The following SLC17A8 variants were observed in gnomAD, a reference collection of about 807,000 sequenced individuals.
SLC17A8 encodes solute carrier family 17 member 8.
SLC17A8 carries 31 observed loss-of-function variants against 58.0 expected under a neutral mutation model. That is an observed-to-expected ratio of 0.53 (90% CI 0.40 to 0.72). SLC17A8 has a LOEUF of 0.72. SLC17A8 is among the 30% of genes least tolerant of loss of function. The probability of loss-of-function intolerance (pLI) is 0.00; values close to 1 mark genes in which losing one functional copy is unlikely to be tolerated. For synonymous variants in SLC17A8, 228 were observed against 249.0 expected (o/e 0.92, Z 0.79); for missense variants, 655 against 727.8 (o/e 0.90, Z 1.15).
intron 2 of SLC17A8, among the ~76,000 whole-genome samples, chr12:100,382,935 T>C (rs74894421): frequency 0.026 from 3,966 of 152,326 alleles, 77 homozygotes; most frequent in Non-Finnish European, 0.04. Flanking sequence ...AACAGCACCA[T>C]GGAGATCCTC....
chr12:100,412,643 ACATAGAC>A, intron 9 of SLC17A8, 120 bp from the exon 10 acceptor site: 14 of 692,886 alleles, frequency 2.0e-5, no homozygotes, highest in Non-Finnish European at 3.1e-5. Flanking sequence ...TAAAAAAAAA[ACATAGAC>A]ACAAACAAAA....
chr12:100,379,340 C>G (rs1434135332), intron 1 of SLC17A8, among the ~76,000 whole-genome samples: 2 of 148,216 alleles, frequency 1.3e-5, no homozygotes, highest in Non-Finnish European at 2.9e-5. Context: ...GAAGTTGAGG[C>G]AGGAGAATTG....
At chr12:100,378,303 C>T (rs1301582780) in intron 1 of SLC17A8, among the ~76,000 whole-genome samples, 1 of 152,062 alleles carries the variant, frequency 6.6e-6, no homozygotes, top group Non-Finnish European at 1.5e-5. Flanking sequence ...TCAAATGCTG[C>T]TGCTAGGTTG....
At chr12:100,401,940 T>A in intron 6 of SLC17A8, 77 bp downstream of exon 6, 2 of 1,101,826 alleles carry the variant, frequency 1.8e-6, no homozygotes, top group Non-Finnish European at 2.8e-6. Context: ...TGGCTCAGAG[T>A]TCATTACATC....
intron 2 of SLC17A8, among the ~76,000 whole-genome samples, chr12:100,386,628 T>A (rs1952676648): frequency 6.6e-6 from 1 of 152,164 alleles, no homozygotes; most frequent in Non-Finnish European, 1.5e-5. Flanking sequence ...AGTTGTTACA[T>A]CTTGCAGAAT....
At chr12:100,402,184 C>T (rs1162627460) in intron 6 of SLC17A8, among the ~76,000 whole-genome samples, 156 bp from the exon 7 acceptor site, 3 of 152,052 alleles carry the variant, frequency 2.0e-5, no homozygotes, top group East Asian at 3.8e-4. Flanking sequence ...TGGGTGTTCA[C>T]GTGCATGTAT....
Position 100,396,419 on chromosome 12 carries a change from T to G in SLC17A8, c.676+2T>G. 6.2e-7 allele frequency: 1 copy of G among 1,611,940 alleles called. No individual in the cohort carries two copies. Among genetic ancestry groups the G allele is most frequent in the Admixed American group, 1.7e-5 (1 of 59,980 alleles). On this transcript the variant is annotated splice_donor_variant, in intron 5 of 11. Transcript: ENST00000323346. LOFTEE classifies it high-confidence loss of function. The stretch of plus-strand genomic sequence containing the variant: ...GACTGGCCACAACCTCTTTTTGTGG[T>G]GGGTATATTAGAATCGTAACAAATT...
At chr12:100,402,185 G>A (rs568303762) in intron 6 of SLC17A8, among the ~76,000 whole-genome samples, 155 bp from the exon 7 acceptor site, 4 of 152,176 alleles carry the variant, frequency 2.6e-5, no homozygotes, top group South Asian at 2.1e-4. Context: ...GGGTGTTCAC[G>A]TGCATGTATG....
At chr12:100,365,206 T>G (rs1952511765) in intron 1 of SLC17A8, among the ~76,000 whole-genome samples, 1 of 152,178 alleles carries the variant, frequency 6.6e-6, no homozygotes, top group Non-Finnish European at 1.5e-5. Context: ...TCTCTTGATA[T>G]TCCATGGTCA....
At position 100,416,537 on chromosome 12, in the gene SLC17A8, G is replaced by GT. The variant is rs58618796; in HGVS notation, c.1298-1481dup. Among the ~76,000 whole-genome samples the GT allele has an allele frequency of 8.3e-3, 1,213 of 146,056 alleles. 8 individuals carry two copies. Among genetic ancestry groups the GT allele is most frequent in the African/African-American group, 0.014 (551 of 40,382 alleles). On this transcript the variant is annotated intron_variant, in intron 10 of 11. Transcript: ENST00000323346. Reference sequence around the variant, plus strand: ...AAAAATGTTTTAAGTCCTATTTTCAGTTTTTTTTTTTGCACAGAATAGAGA... The same window carrying GT: ...AAAAATGTTTTAAGTCCTATTTTCAGTTTTTTTTTTTTGCACAGAATAGAGA...
intron 9 of SLC17A8, among the ~76,000 whole-genome samples, chr12:100,404,645 C>T (rs1453493213): frequency 6.6e-6 from 1 of 152,132 alleles, no homozygotes; most frequent in Non-Finnish European, 1.5e-5. Flanking sequence ...TTGTGAACCC[C>T]TACAATGTTC....
At chr12:100,385,320 T>A (rs778914850) in intron 2 of SLC17A8, among the ~76,000 whole-genome samples, 87 of 140,880 alleles carry the variant, frequency 6.2e-4, no homozygotes, top group Admixed American at 1.5e-3. Context: ...CACTGCGACC[T>A]CCACCTCCCC....
intron 4 of SLC17A8, among the ~76,000 whole-genome samples, chr12:100,395,183 T>C (rs527919569): frequency 6.6e-6 from 1 of 152,290 alleles, no homozygotes; most frequent in Admixed American, 6.5e-5. Flanking sequence ...CCCCATCTCC[T>C]ACCATGCTTA....
chr12:100,366,285 C>T (rs570139364), intron 1 of SLC17A8, among the ~76,000 whole-genome samples: 5 of 152,060 alleles, frequency 3.3e-5, no homozygotes, highest in Admixed American at 1.3e-4. Flanking sequence ...CAAGGAACCA[C>T]GGAAAGCGTT....
Position 100,402,465 on chromosome 12 carries a change from G to T in SLC17A8, c.889G>T (p.Val297Leu). The T allele has an allele frequency of 6.2e-7, 1 of 1,614,066 alleles. No homozygotes were observed. Among genetic ancestry groups the T allele is most frequent in the Non-Finnish European group, 8.5e-7 (1 of 1,180,008 alleles). The change falls in exon 7 of 12, where the codon GTG becomes TTG. Residue 297 changes from valine (V) to leucine (L), a missense_variant. By Grantham distance (32) the Val-to-Leu change is conservative. Coordinates refer to ENST00000323346, the MANE Select transcript of SLC17A8 (RefSeq NM_139319.3). ...IETSIGEGAN[V>L]VSLSKFSTPW... ...GACAAGCATAGGAGAGGGGGCCAACGTGGTTAGTCTAAGTGTAAGTATAAA... is the reference window on the plus strand; with the variant it reads ...GACAAGCATAGGAGAGGGGGCCAACTTGGTTAGTCTAAGTGTAAGTATAAA...
Position 100,402,750 on chromosome 12 carries a change from A to G in SLC17A8, c.1053+5A>G, listed in dbSNP as rs201043908. On this transcript the variant is annotated splice_donor_5th_base_variant and intron_variant, in intron 8 of 11. Coordinates refer to ENST00000323346, the MANE Select transcript of SLC17A8 (RefSeq NM_139319.3). ...TTTGGATTTGCAATAAGTAAGGTAAACACACAGATGCTCCAAATATTTTTG... is the reference window on the plus strand; with the variant it reads ...TTTGGATTTGCAATAAGTAAGGTAAGCACACAGATGCTCCAAATATTTTTG... 3.7e-6 allele frequency: 6 copies of G among 1,611,964 alleles called. No homozygotes were observed. The East Asian group carries it at 1.3e-4, about 36-fold the overall frequency.
At chr12:100,361,611 C>A (rs1028011748) in intron 1 of SLC17A8, among the ~76,000 whole-genome samples, 2 of 152,074 alleles carry the variant, frequency 1.3e-5, no homozygotes, top group African/African-American at 4.8e-5. Flanking sequence ...TTTGGGTGAG[C>A]CTAGAATGTG....
intron 9 of SLC17A8, among the ~76,000 whole-genome samples, chr12:100,405,032 T>A (rs1012372974): frequency 1.1e-4 from 17 of 152,230 alleles, no homozygotes; most frequent in African/African-American, 3.6e-4. Flanking sequence ...GGATTGCGTA[T>A]GCTCTGACAG....
At chr12:100,371,384 C>T (rs567713559) in intron 1 of SLC17A8, among the ~76,000 whole-genome samples, 2 of 152,112 alleles carry the variant, frequency 1.3e-5, no homozygotes, top group Non-Finnish European at 2.9e-5. Context: ...TCCTCCAGAA[C>T]CTTTAAAAAA....
Sources: allele counts gnomAD v4.1 joint callset (sites outside exome capture counted in the v4.1 genomes callset), GRCh38; gene constraint gnomAD v4.1.1; transcripts MANE v1.5; gene names NCBI Gene and HGNC (gene_info 2026-07-23, HGNC 2026-07-21).